Variants in NAALADL2 observed in about 807,000 individuals in gnomAD.
NAALADL2 encodes the protein inactive N-acetylated-alpha-linked acidic dipeptidase-like protein 2.
Under a neutral mutation model 87.2 loss-of-function variants are expected in NAALADL2, and 76 were observed. The ratio of observed to expected loss-of-function variants is 0.87; its 90% CI spans 0.72 to 1.05. The LOEUF (loss-of-function observed/expected upper bound fraction) is 1.05. NAALADL2 is among the 50% of genes least tolerant of loss of function. The pLI, the probability that NAALADL2 is intolerant of heterozygous loss-of-function variation, is 0.00. For missense variants in NAALADL2, 1,089 were observed against 945.8 expected, an observed-to-expected ratio of 1.15 and a Z score of -1.99; for synonymous variants, 354 against 331.0, an observed-to-expected ratio of 1.07 and a Z score of -0.75.
At chr3:175,160,096 C>T (rs1732927989) in intron 2 of NAALADL2, among the ~76,000 whole-genome samples, 1 of 151,766 alleles carries the variant, frequency 6.6e-6, no homozygotes, top group African/African-American at 2.4e-5. Context: ...ACCTCAGCCT[C>T]CCAAATTGCT....
chr3:174,887,216 C>A (rs1434877700), intron 1 of NAALADL2, among the ~76,000 whole-genome samples: 4 of 152,144 alleles, frequency 2.6e-5, no homozygotes, highest in Non-Finnish European at 4.4e-5. Flanking sequence ...TGCTCTACAG[C>A]ACTGAACACT....
chr3:175,256,935 C>T (rs954679642), intron 4 of NAALADL2: 1 of 152,516 alleles, frequency 6.6e-6, no homozygotes, highest in Non-Finnish European at 1.5e-5. Context: ...ATCATGTTCT[C>T]TATGTTAGAC....
intron 3 of NAALADL2, among the ~76,000 whole-genome samples, chr3:174,823,425 G>A (rs1721639932): frequency 6.6e-6 from 1 of 152,102 alleles, no homozygotes; most frequent in African/African-American, 2.4e-5. Flanking sequence ...AGTATTCCTA[G>A]AGGGCAAATT....
chr3:175,455,076 G>T (rs530912558), intron 6 of NAALADL2, among the ~76,000 whole-genome samples: 14 of 152,050 alleles, frequency 9.2e-5, no homozygotes, highest in Non-Finnish European at 1.5e-4. Context: ...GTAGGACCGG[G>T]CAAGTACTTT....
intron 9 of NAALADL2, among the ~76,000 whole-genome samples, chr3:175,568,111 T>G (rs1033566120): frequency 2.7e-5 from 4 of 150,524 alleles, no homozygotes; most frequent in Non-Finnish European, 2.9e-5. Context: ...ATATTAATTT[T>G]TAATTTTTTT....
At chr3:174,792,973 G>A (rs559599572) in intron 3 of NAALADL2, among the ~76,000 whole-genome samples, 1 of 152,086 alleles carries the variant, frequency 6.6e-6, no homozygotes, top group East Asian at 1.9e-4. Context: ...ATGGACTTAT[G>A]TAAGATAAAA....
At chr3:174,798,825 G>T (rs928800275) in intron 3 of NAALADL2, among the ~76,000 whole-genome samples, 10 of 151,768 alleles carry the variant, frequency 6.6e-5, no homozygotes, top group Admixed American at 6.6e-4. Flanking sequence ...TTCTTTAGTG[G>T]ATTCCTATGG....
At chr3:174,722,193 T>C (rs2108954880) in intron 2 of NAALADL2, among the ~76,000 whole-genome samples, 1 of 152,320 alleles carries the variant, frequency 6.6e-6, no homozygotes, top group South Asian at 2.1e-4. Flanking sequence ...TCCATGTTCC[T>C]GGAAATGCTG....
Position 175,544,606 on chromosome 3 carries a change from G to A in NAALADL2, c.1654-31435G>A, listed in dbSNP as rs543245310. On this transcript the variant is annotated intron_variant, in intron 9 of 13. Coordinates refer to ENST00000454872, the MANE Select transcript of NAALADL2 (RefSeq NM_207015.3). The stretch of plus-strand genomic sequence containing the variant: ...TCCCATAAAAGCCTCCTGTGTATTT[G>A]TCACTATTCTGTACATTGGAACTCA... Among the ~76,000 whole-genome samples the A allele has an allele frequency of 5.3e-5, 8 of 152,130 alleles. No individual in the cohort carries two copies. In the East Asian group the frequency reaches 1.5e-3, roughly 29 times the overall value.
chr3:175,616,881 G>A (rs745486839), intron 10 of NAALADL2, among the ~76,000 whole-genome samples: 13 of 152,096 alleles, frequency 8.5e-5, no homozygotes, highest in Non-Finnish European at 1.5e-4. Context: ...TTTGGTTAGG[G>A]AGGAGGTGGG....
intron 2 of NAALADL2, among the ~76,000 whole-genome samples, chr3:174,605,411 A>C (rs989884026): frequency 3.9e-5 from 6 of 152,204 alleles, no homozygotes; most frequent in Admixed American, 3.9e-4. Context: ...TCCCTTTCCT[A>C]GTCAAAGAAA....
rs1206121944 is a variant in NAALADL2, at chr3:175,381,978, T to G, written c.1090+57653T>G. On this transcript the variant is annotated intron_variant, in intron 5 of 13. Coordinates refer to ENST00000454872, the MANE Select transcript of NAALADL2 (RefSeq NM_207015.3). ...CCTATTAACCCACTTACTACCATAC[T>G]GCTCACTTTCCCTTCTCTGGGACTA... 2.0e-5 allele frequency among the ~76,000 whole-genome samples: 3 copies of G among 152,178 alleles called. No homozygotes were observed. In the East Asian group the frequency reaches 5.8e-4, roughly 29 times the overall value.
chr3:174,905,420 A>G (rs537118468), intron 1 of NAALADL2, among the ~76,000 whole-genome samples: 1 of 151,032 alleles, frequency 6.6e-6, no homozygotes, highest in South Asian at 2.1e-4. Context: ...AAGTTTCACA[A>G]TTCATGTATT....
chr3:174,710,105 A>ACTCC (rs1417220796), intron 2 of NAALADL2, among the ~76,000 whole-genome samples: 1 of 152,158 alleles, frequency 6.6e-6, no homozygotes, highest in African/African-American at 2.4e-5. Flanking sequence ...CTCCTAGTTA[A>ACTCC]TTGGTTAAAC....
chr3:175,320,044 A>G (rs148130020), intron 4 of NAALADL2, among the ~76,000 whole-genome samples: 161 of 152,254 alleles, frequency 1.1e-3, no homozygotes, highest in Middle Eastern at 3.4e-3. Context: ...TTGTTAACTA[A>G]AGTCACACAA....
intron 1 of NAALADL2, among the ~76,000 whole-genome samples, chr3:174,532,337 G>A (rs1340536853): frequency 6.6e-6 from 1 of 152,110 alleles, no homozygotes. Flanking sequence ...AGGAGATGAT[G>A]CCAAACCAAA....
chr3:174,843,455 G>T (rs970152048), intron 3 of NAALADL2, among the ~76,000 whole-genome samples: 1 of 152,082 alleles, frequency 6.6e-6, no homozygotes, highest in Non-Finnish European at 1.5e-5. Flanking sequence ...TGACACGTGA[G>T]TTGATTCCAC....
At position 175,179,762 on chromosome 3, in the gene NAALADL2, T is replaced by C. The variant is rs184405280; in HGVS notation, c.546-54169T>C. Reference sequence around the variant, plus strand: ...ACATAAATTACATTTTCTATTTTTATATTTATCATGTTTTATTTTGTTGCA... The same window carrying C: ...ACATAAATTACATTTTCTATTTTTACATTTATCATGTTTTATTTTGTTGCA... On this transcript the variant is annotated intron_variant, in intron 2 of 13. Coordinates refer to ENST00000454872, the MANE Select transcript of NAALADL2 (RefSeq NM_207015.3). 1.2e-4 allele frequency among the ~76,000 whole-genome samples: 19 copies of C among 152,154 alleles called. No individual in the cohort carries two copies. The East Asian group carries it at 2.7e-3, about 22-fold the overall frequency.
chr3:175,594,178 T>TC (rs1721928739), intron 10 of NAALADL2, among the ~76,000 whole-genome samples: 1 of 152,046 alleles, frequency 6.6e-6, no homozygotes. Flanking sequence ...GTCCTCAGTG[T>TC]CTATTGTTCC....
Sources: allele counts gnomAD v4.1 joint callset (sites outside exome capture counted in the v4.1 genomes callset), GRCh38; gene constraint gnomAD v4.1.1; transcripts MANE v1.5; gene names NCBI Gene and HGNC (gene_info 2026-07-23, HGNC 2026-07-21).